CTNND2: variants seen among roughly 807,000 people sequenced by gnomAD.
The protein encoded by CTNND2 is catenin delta 2, also known as catenin delta-2.
A neutral mutation model predicts 144.4 loss-of-function variants in CTNND2; 22 were observed. That is an observed-to-expected ratio of 0.15 (90% CI 0.11 to 0.22). The LOEUF is 0.22. CTNND2 is among the 10% of genes least tolerant of loss of function. CTNND2 has a pLI of 1.00. For missense variants in CTNND2, 1,353 were observed against 1,618.8 expected (o/e 0.84, Z 2.82); for synonymous variants, 751 against 695.6 (o/e 1.08, Z -1.25).
At chr5:11,083,997 C>T (rs1749875646) in intron 15 of CTNND2, 1 of 1,031,646 alleles carries the variant, frequency 9.7e-7, no homozygotes, top group Non-Finnish European at 1.2e-6. Flanking sequence ...TCATCCTGTC[C>T]TACATTAGAA....
rs201338007 is a variant in CTNND2, at chr5:11,193,169, T to TA, written c.1975+6278dup. The stretch of plus-strand genomic sequence containing the variant: ...TCCCCCTGGCTGAGACTGTGCAGAA[T>TA]AAAAAATTGGGAGAAGATGATTTTT... On this transcript the variant is annotated intron_variant, in intron 11 of 21. Coordinates refer to ENST00000304623, the MANE Select transcript of CTNND2 (RefSeq NM_001332.4). Among the ~76,000 whole-genome samples the TA allele has an allele frequency of 8.7e-3, 1,329 of 152,230 alleles. 17 individuals are homozygous for TA. Among genetic ancestry groups the TA allele is most frequent in the South Asian group, 0.056 (270 of 4,818 alleles).
intron 16 of CTNND2, among the ~76,000 whole-genome samples, chr5:11,063,910 A>G (rs1747271336): frequency 6.6e-6 from 1 of 152,206 alleles, no homozygotes; most frequent in Non-Finnish European, 1.5e-5. Context: ...ATTTGCAATC[A>G]TTAATTCTAT....
chr5:11,330,622 C>T (rs564092571), intron 9 of CTNND2, among the ~76,000 whole-genome samples: 30 of 151,444 alleles, frequency 2.0e-4, no homozygotes, highest in African/African-American at 6.8e-4. Context: ...TCAGGAGTTC[C>T]AGTCCAGCCT....
At chr5:11,510,620 C>T (rs1223713722) in intron 3 of CTNND2, among the ~76,000 whole-genome samples, 2 of 152,120 alleles carry the variant, frequency 1.3e-5, no homozygotes, top group Non-Finnish European at 2.9e-5. Flanking sequence ...AACAGAAAAG[C>T]AAACACACTC....
intron 7 of CTNND2, among the ~76,000 whole-genome samples, chr5:11,376,457 T>C (rs1757957098): frequency 6.6e-6 from 1 of 152,156 alleles, no homozygotes; most frequent in African/African-American, 2.4e-5. Flanking sequence ...TCAGTAATCT[T>C]TGATAATTTA....
At chr5:11,588,470 T>G (rs2150139935) in intron 2 of CTNND2, among the ~76,000 whole-genome samples, 1 of 152,306 alleles carries the variant, frequency 6.6e-6, no homozygotes, top group African/African-American at 2.4e-5. Context: ...AATTAAATGG[T>G]TATAATGGTT....
At chr5:11,672,912 C>T (rs781347419) in intron 2 of CTNND2, among the ~76,000 whole-genome samples, 1 of 152,152 alleles carries the variant, frequency 6.6e-6, no homozygotes, top group Non-Finnish European at 1.5e-5. Flanking sequence ...CACCCTGCTT[C>T]GGCTCACCCT....
intron 18 of CTNND2, among the ~76,000 whole-genome samples, chr5:11,009,865 G>C (rs2149522844): frequency 9.6e-6 from 1 of 104,542 alleles, no homozygotes; most frequent in Middle Eastern, 4.1e-3. Context: ...TTGTGCCTTT[G>C]CTTTTGGACA....
intron 1 of CTNND2, among the ~76,000 whole-genome samples, chr5:11,899,752 T>C (rs2126340520): frequency 1.3e-5 from 2 of 152,332 alleles, no homozygotes; most frequent in Middle Eastern, 6.8e-3. Context: ...TCTTTTAAGA[T>C]ATTGTGTCTT....
chr5:11,413,076 T>A (rs1047508898), intron 3 of CTNND2, among the ~76,000 whole-genome samples: 1 of 152,260 alleles, frequency 6.6e-6, no homozygotes, highest in Non-Finnish European at 1.5e-5. Context: ...TTAAGAGACA[T>A]GTGACTGTTA....
intron 2 of CTNND2, among the ~76,000 whole-genome samples, chr5:11,673,395 A>C (rs1241510081): frequency 1.3e-5 from 2 of 152,184 alleles, no homozygotes; most frequent in African/African-American, 2.4e-5. Flanking sequence ...AATATGTTAT[A>C]AATGCATTTT....
chr5:11,297,526 T>C (rs1217858006), intron 9 of CTNND2, among the ~76,000 whole-genome samples: 1 of 152,190 alleles, frequency 6.6e-6, no homozygotes, highest in Admixed American at 6.5e-5. Context: ...TTAAATAAAA[T>C]ATTTACATCA....
At chr5:11,370,897 A>T (rs368725430) in intron 7 of CTNND2, among the ~76,000 whole-genome samples, 1 of 152,350 alleles carries the variant, frequency 6.6e-6, no homozygotes, top group South Asian at 2.1e-4. Context: ...GTGCTGTTGT[A>T]TGGAGAAAAA....
rs565443038 is a variant in CTNND2, at chr5:11,042,450, A to G, written c.2789-19471T>C. Among the ~76,000 whole-genome samples the G allele has an allele frequency of 2.0e-5, 3 of 152,368 alleles. No individual in the cohort carries two copies. The South Asian group carries it at 6.2e-4, about 32-fold the overall frequency. On this transcript the variant is annotated intron_variant, in intron 16 of 21. Coordinates refer to ENST00000304623, the MANE Select transcript of CTNND2 (RefSeq NM_001332.4). ...CTAGAGAGATATGTGGCATTAAAGA[A>G]GGATATGTAATTATTTGCTTAAAAT...
intron 16 of CTNND2, among the ~76,000 whole-genome samples, chr5:11,078,711 T>C (rs1749211884): frequency 6.6e-6 from 1 of 152,214 alleles, no homozygotes; most frequent in Non-Finnish European, 1.5e-5. Context: ...TCTCCATTTT[T>C]CAGAGAAGGG....
chr5:11,221,590 G>A (rs1171726295), intron 10 of CTNND2, among the ~76,000 whole-genome samples: 5 of 152,160 alleles, frequency 3.3e-5, no homozygotes, highest in African/African-American at 9.7e-5. Flanking sequence ...AGGAGATGAC[G>A]GCGCCTTATA....
intron 9 of CTNND2, among the ~76,000 whole-genome samples, chr5:11,320,011 C>G (rs1000993190): frequency 6.6e-5 from 10 of 152,162 alleles, no homozygotes; most frequent in African/African-American, 1.9e-4. Context: ...AGGCACTGAG[C>G]TGAACTCTGA....
chr5:11,856,158 T>C (rs542912845), intron 1 of CTNND2, among the ~76,000 whole-genome samples: 68 of 152,018 alleles, frequency 4.5e-4, no homozygotes, highest in Middle Eastern at 3.2e-3. Context: ...CCCCTGGGAG[T>C]TTATAATATT....
At chr5:11,492,842 G>A (rs1050947923) in intron 3 of CTNND2, among the ~76,000 whole-genome samples, 2 of 151,918 alleles carry the variant, frequency 1.3e-5, no homozygotes, top group Non-Finnish European at 2.9e-5. Flanking sequence ...ATGCTGAGGG[G>A]GGCAGATCAC....
Sources: gnomAD v4.1 joint callset for allele counts (sites outside exome capture counted in the v4.1 genomes callset) on GRCh38, gnomAD v4.1.1 for gene constraint, MANE v1.5 for transcripts, NCBI Gene and HGNC (gene_info 2026-07-23, HGNC 2026-07-21) for gene names.